VASP: variants seen among roughly 807,000 people sequenced by gnomAD.
VASP encodes the protein vasodilator stimulated phosphoprotein.
In VASP, 27 loss-of-function variants were observed where a neutral mutation model predicts 54.4. That is an observed-to-expected ratio of 0.50 (90% CI 0.37 to 0.68). VASP has a LOEUF of 0.68. VASP is among the 30% of genes least tolerant of loss of function. The probability of loss-of-function intolerance (pLI) is 0.00; values close to 1 mark genes in which losing one functional copy is unlikely to be tolerated. For missense variants in VASP, 488 were observed against 528.3 expected, an observed-to-expected ratio of 0.92 and a Z score of 0.75; for synonymous variants, 233 against 209.8, an observed-to-expected ratio of 1.11 and a Z score of -0.96.
chr19:45,522,754 G>A lies in VASP; in HGVS notation c.757G>A (p.Ala253Thr). ...EASGGPTAPKAESGRSGGGGL... is the reference protein window; with the variant it reads ...EASGGPTAPKTESGRSGGGGL... The stretch of plus-strand genomic sequence containing the variant: ...CTCAGGGGGGCCCACAGCCCCCAAA[G>A]CTGAGAGTGGTCGAAGCGGAGGTGG... The change falls in exon 7 of 13, where the codon GCT (alanine) becomes ACT (threonine). Residue 253 changes from alanine to threonine, a missense_variant. By Grantham distance (58) the Ala-to-Thr change is moderately conservative. Around this residue, in one of 4 missense-constraint regions of VASP, gnomAD observed 226 missense variants for 196.0 expected, o/e 1.15. Coordinates refer to ENST00000245932, the MANE Select transcript of VASP (RefSeq NM_003370.4). 6.2e-7 allele frequency: 1 copy of A among 1,602,336 alleles called. No individual in the cohort carries two copies.
chr19:45,526,295 A>G lies in VASP; in HGVS notation c.*118A>G. ...GACTACACAGGAATGCATCGTTCCC[A>G]CTCCCCATCCCACTTGGAAAACTCC... On this transcript the variant is annotated 3_prime_UTR_variant, in exon 13 of 13. Coordinates refer to ENST00000245932, the MANE Select transcript of VASP (RefSeq NM_003370.4). 6 of 1,240,330 alleles carry G rather than the reference A, an allele frequency of 4.8e-6. No homozygotes were observed. Among genetic ancestry groups the G allele is most frequent in the Non-Finnish European group, 6.5e-6 (6 of 922,612 alleles). 76.8% of individuals were successfully genotyped at this position (1,240,330 alleles called of 1,614,324 possible).
In VASP at chr19:45,525,948, G is replaced by T. The variant is rs201593364; in HGVS notation, c.1050G>T (p.Glu350Asp). 27 of 1,613,586 alleles carry T rather than the reference G, an allele frequency of 1.7e-5. No individual in the cohort carries two copies. Among genetic ancestry groups the T allele is most frequent in the Non-Finnish European group, 2.2e-5 (26 of 1,179,920 alleles). ...TAGTTTTACCCCATTAATTTTAGGA[G>T]CTTCTGGAAGAGGTGAAGAAGGAAT... is the stretch of plus-strand genomic sequence containing the variant. ...DYSDLQRVKQ[E>D]LLEEVKKELQ... Residue 350 changes from glutamate to aspartate, a missense_variant and splice_region_variant, in exon 12 of 13, where the codon GAG (glutamate) becomes GAT (aspartate). Coordinates refer to ENST00000245932, the MANE Select transcript of VASP (RefSeq NM_003370.4).
At chr19:45,508,554 G>A (rs1036293077) in intron 1 of VASP, among the ~76,000 whole-genome samples, 8 of 147,172 alleles carry the variant, frequency 5.4e-5, no homozygotes, top group Admixed American at 1.4e-4. Flanking sequence ...GGGAGGGGGC[G>A]CGGCAGCTGG....
intron 1 of VASP, among the ~76,000 whole-genome samples, chr19:45,508,506 A>G (rs1385638755): frequency 2.0e-5 from 3 of 152,116 alleles, no homozygotes; most frequent in Non-Finnish European, 4.4e-5. Flanking sequence ...TCCGGCCATA[A>G]GGGCGGCCCG....
intron 3 of VASP, 33 bp downstream of exon 3, chr19:45,518,127 G>T: frequency 6.2e-7 from 1 of 1,600,862 alleles, no homozygotes. Flanking sequence ...GGGGACCAGT[G>T]AATGCGGCTG....
Position 45,513,468 on chromosome 19 carries a change from C to CTTTTTTTTTTTTTTTTTTTTTTT in VASP, c.6-4174_6-4173insTTTTTTTTTTTTTTTTTTTTTTT, listed in dbSNP as rs71173173. Among the ~76,000 whole-genome samples, 32 of 92,794 alleles carry CTTTTTTTTTTTTTTTTTTTTTTT rather than the reference C, an allele frequency of 3.4e-4. 1 individual carries two copies. Among genetic ancestry groups the CTTTTTTTTTTTTTTTTTTTTTTT allele is most frequent in the Non-Finnish European group, 5.3e-4 (26 of 49,424 alleles). 60.9% of individuals were successfully genotyped at this position (92,794 alleles called of 152,430 possible). On this transcript the variant is annotated intron_variant, in intron 1 of 12. Transcript: ENST00000245932. ...CATCTTGCCCAAGCTAGTCTCTCTC[C>CTTTTTTTTTTTTTTTTTTTTTTT]TTTTTTTTTTTTTTTTTTTTTGAGA... is the stretch of plus-strand genomic sequence containing the variant.
chr19:45,513,407 G>A (rs1159151544), intron 1 of VASP, among the ~76,000 whole-genome samples: 2 of 150,708 alleles, frequency 1.3e-5, no homozygotes, highest in Non-Finnish European at 2.9e-5. Flanking sequence ...ACCACACCCA[G>A]CTAATTTTAA....
chr19:45,513,049 T>C (rs1968631450), intron 1 of VASP, among the ~76,000 whole-genome samples: 1 of 152,180 alleles, frequency 6.6e-6, no homozygotes, highest in Non-Finnish European at 1.5e-5. Context: ...TTACTTGCTG[T>C]GTGATCTGGG....
At chr19:45,519,622 A>C (rs549564128) in intron 3 of VASP, among the ~76,000 whole-genome samples, 11 of 109,150 alleles carry the variant, frequency 1.0e-4, no homozygotes, top group African/African-American at 3.9e-4. Flanking sequence ...TTGGAGACGG[A>C]GTCTCGCTCT....
chr19:45,513,876 T>C (rs908506885), intron 1 of VASP, among the ~76,000 whole-genome samples: 1 of 152,210 alleles, frequency 6.6e-6, no homozygotes, highest in Non-Finnish European at 1.5e-5. Flanking sequence ...AGTTTGCCTT[T>C]TTTTACAGAT....
At chr19:45,508,269 A>G (rs925579212) in intron 1 of VASP, among the ~76,000 whole-genome samples, 3 of 152,146 alleles carry the variant, frequency 2.0e-5, no homozygotes, top group African/African-American at 7.2e-5. Context: ...AGTCTCCCCA[A>G]GTGGGACCGC....
At chr19:45,517,878 C>T (rs375360422) in intron 2 of VASP, 44 bp downstream of exon 2, 65 of 1,589,474 alleles carry the variant, frequency 4.1e-5, no homozygotes, top group African/African-American at 1.1e-4. Flanking sequence ...AACCCCTACC[C>T]GCCCCACCCC....
chr19:45,524,433 A>C, intron 10 of VASP, 137 bp from the exon 11 acceptor site: 3 of 867,334 alleles, frequency 3.5e-6, no homozygotes, highest in Non-Finnish European at 5.5e-6. Flanking sequence ...CAAAAAAAAA[A>C]AAAACTGGGG....
In VASP at chr19:45,517,909, C is replaced by T. The variant is rs758039603; in HGVS notation, c.178-20C>T. The T allele has an allele frequency of 1.9e-6, 3 of 1,606,512 alleles. No homozygotes were observed. The highest frequency in any genetic ancestry group is 4.5e-5 in the East Asian group (2 of 44,516). On this transcript the variant is annotated intron_variant, in intron 2 of 12. Coordinates refer to ENST00000245932, the MANE Select transcript of VASP (RefSeq NM_003370.4). ...ACCCCTGCGCCCGCCGCCCCTCACCCCCCTTTCCCCTCCCACCAGGTGGTC... is the reference window on the plus strand; with the variant it reads ...ACCCCTGCGCCCGCCGCCCCTCACCTCCCTTTCCCCTCCCACCAGGTGGTC...
intron 1 of VASP, among the ~76,000 whole-genome samples, chr19:45,516,130 C>A (rs988185054): frequency 7.9e-5 from 12 of 152,296 alleles, no homozygotes; most frequent in African/African-American, 2.6e-4. Flanking sequence ...CTTCAGGGTA[C>A]CCCCAGACCC....
chr19:45,524,045 T>C (rs1968904936), intron 9 of VASP, 52 bp from the exon 10 acceptor site: 4 of 1,566,928 alleles, frequency 2.6e-6, no homozygotes, highest in East Asian at 2.5e-5. Context: ...GTAAGATTGA[T>C]TGGGGGGCAG....
At chr19:45,523,496 A>G (rs966621133) in intron 7 of VASP, 148 bp from the exon 8 acceptor site, 1 of 909,932 alleles carries the variant, frequency 1.1e-6, no homozygotes, top group African/African-American at 1.7e-5. Context: ...TGCGCCCAGC[A>G]CAATCTCTTG....
chr19:45,512,415 G>A (rs901856785), intron 1 of VASP, among the ~76,000 whole-genome samples: 15 of 150,438 alleles, frequency 1.0e-4, no homozygotes, highest in Admixed American at 6.7e-5. Context: ...CACCTCCTGA[G>A]TAGCTGGAAT....
intron 3 of VASP, 23 bp from the exon 4 acceptor site, chr19:45,521,299 G>A: frequency 1.3e-6 from 2 of 1,555,520 alleles, no homozygotes; most frequent in South Asian, 1.2e-5. Context: ...CTGATCCATG[G>A]CCCTTTCTCT....
Sources: allele counts gnomAD v4.1 joint callset (sites outside exome capture counted in the v4.1 genomes callset), GRCh38; gene constraint gnomAD v4.1.1; regional missense constraint gnomAD v4.1.1; transcripts MANE v1.5; gene names NCBI Gene and HGNC (gene_info 2026-07-23, HGNC 2026-07-21).